The following HAO2 variants were observed in gnomAD, a reference collection of about 807,000 sequenced individuals.
The protein encoded by HAO2 is 2-Hydroxyacid oxidase 2.
In HAO2, 42 loss-of-function variants were observed where a neutral mutation model predicts 37.4. That is an observed-to-expected ratio of 1.12 (90% confidence interval 0.88 to 1.45). HAO2 has a LOEUF of 1.45. HAO2 is among the 40% of genes most tolerant of loss of function. The probability of loss-of-function intolerance (pLI) is 0.00; values close to 1 mark genes in which losing one functional copy is unlikely to be tolerated. For missense variants in HAO2, 476 were observed against 430.2 expected, an observed-to-expected ratio of 1.11 and a Z score of -0.94; for synonymous variants, 180 against 162.8, an observed-to-expected ratio of 1.11 and a Z score of -0.81.
chr1:119,375,818 G>A (rs1474766034), intron 1 of HAO2, among the ~76,000 whole-genome samples: 4 of 152,044 alleles, frequency 2.6e-5, no homozygotes, highest in African/African-American at 4.8e-5. Flanking sequence ...TAAGACCATC[G>A]GATCTCATGA....
At chr1:119,389,603 T>C (rs1465923205) in intron 5 of HAO2, among the ~76,000 whole-genome samples, 1 of 151,844 alleles carries the variant, frequency 6.6e-6, no homozygotes, top group African/African-American at 2.4e-5. Context: ...GAATTATCTA[T>C]TCGTGTCCTT....
intron 5 of HAO2, 71 bp from the exon 6 acceptor site, chr1:119,392,039 C>A: frequency 2.1e-6 from 3 of 1,395,932 alleles, no homozygotes; most frequent in South Asian, 2.7e-5. Context: ...TTTTCCTGGT[C>A]ATATGCCAGG....
intron 1 of HAO2, among the ~76,000 whole-genome samples, chr1:119,377,964 G>A (rs767233408): frequency 2.0e-5 from 3 of 152,190 alleles, no homozygotes; most frequent in African/African-American, 4.8e-5. Flanking sequence ...CTACTCAGGA[G>A]GCTGAGGCAG....
intron 5 of HAO2, among the ~76,000 whole-genome samples, chr1:119,388,331 T>C (rs997395486): frequency 2.0e-5 from 3 of 152,194 alleles, no homozygotes; most frequent in Non-Finnish European, 1.5e-5. Flanking sequence ...AAATACATCA[T>C]ACAATAGGTG....
chr1:119,389,768 G>A, intron 5 of HAO2, among the ~76,000 whole-genome samples: 1 of 151,674 alleles, frequency 6.6e-6, no homozygotes, highest in Admixed American at 6.6e-5. Context: ...CTGTTCCTCT[G>A]CCATACAAAA....
At chr1:119,376,487 C>A (rs934013081) in intron 1 of HAO2, among the ~76,000 whole-genome samples, 1 of 152,192 alleles carries the variant, frequency 6.6e-6, no homozygotes, top group Non-Finnish European at 1.5e-5. Context: ...GTGGATCTAC[C>A]ATTCTGGAGT....
At chr1:119,378,879 CAAGTAATG>C (rs1437501913) in intron 1 of HAO2, among the ~76,000 whole-genome samples, 1 of 152,136 alleles carries the variant, frequency 6.6e-6, no homozygotes, top group South Asian at 2.1e-4. Flanking sequence ...ATGTTAAATT[CAAGTAATG>C]AACATTTGTA....
At chr1:119,379,680 A>G (rs1649762000) in intron 1 of HAO2, among the ~76,000 whole-genome samples, 1 of 152,140 alleles carries the variant, frequency 6.6e-6, no homozygotes, top group Admixed American at 6.6e-5. Context: ...AAAAGGTGCT[A>G]TGGCTGGGCT....
intron 4 of HAO2, 125 bp from the exon 5 acceptor site, chr1:119,386,497 T>C (rs1650389879): frequency 3.0e-6 from 2 of 659,656 alleles, no homozygotes; most frequent in African/African-American, 1.8e-5. Context: ...TGAGCCACCA[T>C]GCCCAGCCCT....
intron 1 of HAO2, among the ~76,000 whole-genome samples, chr1:119,378,545 A>T (rs1026942167): frequency 1.3e-5 from 2 of 152,190 alleles, no homozygotes; most frequent in Non-Finnish European, 2.9e-5. Context: ...TAGATAGAAA[A>T]GAGTCTAAGG....
At chr1:119,389,165 T>TACAC (rs1650656755) in intron 5 of HAO2, among the ~76,000 whole-genome samples, 1 of 98,556 alleles carries the variant, frequency 1.0e-5, no homozygotes, top group Non-Finnish European at 2.1e-5. Context: ...TATATATATA[T>TACAC]ATACACCACA....
chr1:119,380,541 C>T, intron 1 of HAO2: 2 of 621,194 alleles, frequency 3.2e-6, no homozygotes, highest in Non-Finnish European at 5.8e-6. Context: ...CTGGGAACTA[C>T]CAGATAGTAG....
At chr1:119,387,727 G>A (rs937972942) in intron 5 of HAO2, among the ~76,000 whole-genome samples, 3 of 152,122 alleles carry the variant, frequency 2.0e-5, no homozygotes, top group Non-Finnish European at 4.4e-5. Context: ...TATTTTTAAT[G>A]GTATGTAGTA....
intron 1 of HAO2, among the ~76,000 whole-genome samples, chr1:119,369,409 G>A (rs1648780047): frequency 6.6e-6 from 1 of 152,200 alleles, no homozygotes; most frequent in Admixed American, 6.5e-5. Flanking sequence ...TCCCACTAAT[G>A]AAGAGCCTCT....
intron 4 of HAO2, chr1:119,386,021 T>C (rs1215569722): frequency 2.4e-5 from 9 of 382,866 alleles, no homozygotes; most frequent in Non-Finnish European, 3.2e-5. Flanking sequence ...CTCTGAATTT[T>C]TTAAAGTAGA....
At chr1:119,378,682 T>A (rs1347791925) in intron 1 of HAO2, among the ~76,000 whole-genome samples, 1 of 152,212 alleles carries the variant, frequency 6.6e-6, no homozygotes, top group Non-Finnish European at 1.5e-5. Context: ...CACATGACTC[T>A]GAGTGAGCAT....
intron 5 of HAO2, among the ~76,000 whole-genome samples, chr1:119,388,217 C>G (rs77362216): frequency 0.035 from 5,343 of 152,212 alleles, 287 homozygotes; most frequent in African/African-American, 0.12. Context: ...ATAGCATGCC[C>G]TGGGTCATCC....
chr1:119,383,064 G>T lies in HAO2; in HGVS notation c.281G>T (p.Arg94Ile). ...CCTGATGGGGAAATGAGCACAGCAA[G>T]AGGTATGAACCATCCCCACCTCGAG... The part of the protein sequence containing the change: ...VWPDGEMSTA[R>I]AAQAAGICYI... Residue 94 changes from arginine (R) to isoleucine (I), a missense_variant and splice_region_variant, in exon 3 of 8, where the codon AGA becomes ATA. By Grantham distance (97) the Arg-to-Ile change is moderately conservative. Transcript: ENST00000325945. The T allele has an allele frequency of 1.9e-6, 3 of 1,611,148 alleles. No homozygotes were observed. The highest frequency in any genetic ancestry group is 1.1e-5 in the South Asian group (1 of 90,514).
chr1:119,388,146 A>G (rs760364420), intron 5 of HAO2, among the ~76,000 whole-genome samples: 1 of 151,998 alleles, frequency 6.6e-6, no homozygotes, highest in Non-Finnish European at 1.5e-5. Flanking sequence ...CTCTCACCCA[A>G]CCCCTGCCAG....
Sources: allele counts gnomAD v4.1 joint callset (sites outside exome capture counted in the v4.1 genomes callset), GRCh38; gene constraint gnomAD v4.1.1; transcripts MANE v1.5; gene names NCBI Gene and HGNC (gene_info 2026-07-23, HGNC 2026-07-21).